Variants in NFKBID observed in about 807,000 individuals in gnomAD.
NFKBID encodes the protein NF-kappa-B inhibitor delta.
NFKBID carries 26 observed loss-of-function variants against 53.4 expected under a neutral mutation model. That is an observed-to-expected ratio of 0.49 (90% CI 0.36 to 0.68). The LOEUF is 0.68. Among genes scored for constraint, NFKBID ranks in the 30% least tolerant of loss-of-function variants. NFKBID has a pLI of 0.00. For missense variants in NFKBID, 493 were observed against 614.1 expected (o/e 0.80, Z 2.08); for synonymous variants, 262 against 259.8 (o/e 1.01, Z -0.08).
intron 11 of NFKBID, 30 bp from the exon 12 acceptor site, chr19:35,888,642 T>A (rs2146927732): frequency 1.3e-6 from 2 of 1,555,128 alleles, no homozygotes; most frequent in South Asian, 2.4e-5. Context: ...GGGAGAGAAG[T>A]CTGTCAGGTT....
chr19:35,890,584 C>T (rs763865540), intron 9 of NFKBID, 94 bp from the exon 10 acceptor site: 30 of 871,952 alleles, frequency 3.4e-5, no homozygotes, highest in African/African-American at 6.6e-5. Context: ...TGACCCTTGG[C>T]GGAGTGCGGT....
intron 9 of NFKBID, among the ~76,000 whole-genome samples, chr19:35,893,372 C>T (rs945562675): frequency 1.1e-4 from 16 of 152,176 alleles, no homozygotes; most frequent in African/African-American, 3.9e-4. Flanking sequence ...TTCCTAACCC[C>T]GCTAATAATG....
At chr19:35,900,077 C>CT in intron 1 of NFKBID, among the ~76,000 whole-genome samples, 1 of 52,408 alleles carries the variant, frequency 1.9e-5, no homozygotes, top group East Asian at 8.3e-4. Flanking sequence ...CAACCACGCC[C>CT]CCCCCCCCCC....
chr19:35,896,015 T>C lies in NFKBID; in HGVS notation c.997A>G (p.Met333Val). The C allele has an allele frequency of 6.2e-7, 1 of 1,614,126 alleles. No individual in the cohort carries two copies. ...TGATTAGCACCCATTTGCAGCAACATGTGGACACAATCCAGCCTGTCTCGG... is the reference window on the plus strand; with the variant it reads ...TGATTAGCACCCATTTGCAGCAACACGTGGACACAATCCAGCCTGTCTCGG... The change falls in exon 9 of 12, where the codon ATG becomes GTG. Residue 333 changes from methionine to valine, a missense_variant. Coordinates refer to ENST00000641389, the Ensembl canonical transcript of NFKBID. This position sits in a 1 kb window ranked among gnomAD's most constrained non-coding sequence, Gnocchi z 5.7.
intron 1 of NFKBID, 63 bp from the exon 2 acceptor site, chr19:35,898,885 GT>G (rs142091205): frequency 0.02 from 26,423 of 1,336,838 alleles, 313 homozygotes; most frequent in Non-Finnish European, 0.024. Context: ...TGCCGCGGGG[GT>G]GGCGCGCGGG....
At chr19:35,897,118 T>C in intron 4 of NFKBID, 60 bp from the exon 5 acceptor site, 1 of 1,550,704 alleles carries the variant, frequency 6.4e-7, no homozygotes, top group African/African-American at 1.4e-5. Flanking sequence ...AGGGTGCAGG[T>C]GGTGGGGAGA....
rs1325615115 is a variant in NFKBID, at chr19:35,897,912, C to T, written c.227-56G>A. On this transcript the variant is annotated intron_variant, in intron 3 of 11. Coordinates refer to ENST00000641389, the Ensembl canonical transcript of NFKBID. ...CTGGTTACCAGAGTTGGGGACGTCA[C>T]ATCCAGGGCTAGAGGGCCTGGCGTC... 6.4e-6 allele frequency: 8 copies of T among 1,252,692 alleles called. No homozygotes were observed. In the African/African-American group the frequency reaches 1.0e-4, roughly 16 times the overall value. 77.6% of individuals were successfully genotyped at this position (1,252,692 alleles called of 1,614,324 possible).
At chr19:35,900,747 C>G, upstream of NFKBID, 1 of 750,606 alleles carries the variant, frequency 1.3e-6, no homozygotes, top group Non-Finnish European at 1.8e-6. Context: ...TCTGAAGGAG[C>G]CTAGGGCACC....
chr19:35,898,402 T>G (rs1479397666), intron 3 of NFKBID, 70 bp downstream of exon 3: 7 of 1,005,788 alleles, frequency 7.0e-6, no homozygotes, highest in Non-Finnish European at 1.0e-5. Flanking sequence ...TGTCCCAAAG[T>G]TCTGAGAGCT....
rs986722209 is a variant in NFKBID at position 35,890,067 on chromosome 19, G to T, written c.1150-13C>A. ...TGTTCCCGTGGGCCTGGAAAAGTAAGGGGAGGGCTGGTGGGGATCTGGGCT... is the reference window on the plus strand; with the variant it reads ...TGTTCCCGTGGGCCTGGAAAAGTAATGGGAGGGCTGGTGGGGATCTGGGCT... On this transcript the variant is annotated splice_polypyrimidine_tract_variant and intron_variant, in intron 10 of 11. Transcript: ENST00000641389. 6.3e-7 allele frequency: 1 copy of T among 1,590,478 alleles called. No individual in the cohort carries two copies. Among genetic ancestry groups the T allele is most frequent in the East Asian group, 2.2e-5 (1 of 44,518 alleles).
At chr19:35,893,003 C>A (rs778362730) in intron 9 of NFKBID, among the ~76,000 whole-genome samples, 10 of 151,980 alleles carry the variant, frequency 6.6e-5, no homozygotes, top group Non-Finnish European at 1.3e-4. Context: ...CCCCTCTCTA[C>A]AAAAAATATA....
downstream of NFKBID, chr19:35,888,163 TAGG>T (rs550116216): frequency 3.2e-4 from 56 of 176,052 alleles, no homozygotes; most frequent in African/African-American, 1.3e-3. Context: ...GAGGCCATTG[TAGG>T]AGATTTACTG....
At chr19:35,900,293 G>A in intron 1 of NFKBID, 149 bp downstream of exon 1, 1 of 598,078 alleles carries the variant, frequency 1.7e-6, no homozygotes, top group Non-Finnish European at 2.4e-6. Flanking sequence ...CACGATCCAC[G>A]ATCCCCTCCT....
exon 5 of NFKBID, chr19:35,897,032 G>T: frequency 6.2e-7 from 1 of 1,604,182 alleles, no homozygotes; most frequent in Non-Finnish European, 8.5e-7. Context: ...GTCCTGAAGG[G>T]GGTGCAGAAA....
chr19:35,889,646 G>A (rs1206267790), intron 11 of NFKBID, among the ~76,000 whole-genome samples: 1 of 152,136 alleles, frequency 6.6e-6, no homozygotes, highest in African/African-American at 2.4e-5. Flanking sequence ...ATTCAGGGTT[G>A]GAAGTACAGG....
At chr19:35,897,144 A>G in intron 4 of NFKBID, 86 bp from the exon 5 acceptor site, 1 of 1,412,684 alleles carries the variant, frequency 7.1e-7, no homozygotes, top group Non-Finnish European at 9.6e-7. Context: ...TCAGCTGAGA[A>G]TTCCTCCATC....
chr19:35,892,908 G>A (rs781582465), intron 9 of NFKBID, among the ~76,000 whole-genome samples: 6 of 152,228 alleles, frequency 3.9e-5, no homozygotes, highest in Non-Finnish European at 8.8e-5. Flanking sequence ...GCTCACGCCT[G>A]TAATCCCAGC....
chr19:35,897,486 C>T (rs879505699), intron 4 of NFKBID, 165 bp downstream of exon 4: 58 of 660,526 alleles, frequency 8.8e-5, no homozygotes, highest in Admixed American at 3.4e-4. Flanking sequence ...TCAAGTGATC[C>T]GCCTGCCTCA....
rs1281008120 is a variant in NFKBID at position 35,900,431 on chromosome 19, G to C, written c.61+11C>G. ...TTAGGGGGCCGAACGCGTCCTGCCC[G>C]CGCCCATTACCTCGGGGATTCCGTG... On this transcript the variant is annotated intron_variant, in intron 1 of 11. Coordinates refer to ENST00000641389, the Ensembl canonical transcript of NFKBID. 30 of 1,231,532 alleles carry C rather than the reference G, an allele frequency of 2.4e-5. No homozygotes were observed. The highest frequency in any genetic ancestry group is 2.9e-5 in the Non-Finnish European group (29 of 987,466). 76.3% of individuals were successfully genotyped at this position (1,231,532 alleles called of 1,614,324 possible). A position where few individuals can be genotyped will look rare whatever the true frequency, so the allele number is the denominator to read the frequency against.
Sources: allele counts gnomAD v4.1 joint callset (sites outside exome capture counted in the v4.1 genomes callset), GRCh38; gene constraint gnomAD v4.1.1; non-coding constraint Gnocchi (gnomAD v3.1); transcripts MANE v1.5; gene names NCBI Gene and HGNC (gene_info 2026-07-23, HGNC 2026-07-21).